Variants in AGT observed in about 807,000 individuals in gnomAD.
The protein encoded by AGT is angiotensinogen, also known as alpha-1 antiproteinase, antitrypsin.
Under a neutral mutation model 28.1 loss-of-function variants are expected in AGT, and 26 were observed. The ratio of observed to expected loss-of-function variants is 0.92; its 90% confidence interval spans 0.68 to 1.28. AGT has a LOEUF of 1.28. Ranked by LOEUF, AGT falls within the 50% of genes most tolerant of loss-of-function variation. AGT has a pLI of 0.00. For missense variants in AGT, 596 were observed against 592.3 expected (o/e 1.01, Z -0.06); for synonymous variants, 259 against 259.6 (o/e 1.00, Z 0.02).
chr1:230,713,057 G>C (rs1056068116), intron 1 of AGT, among the ~76,000 whole-genome samples: 3 of 152,120 alleles, frequency 2.0e-5, no homozygotes, highest in Non-Finnish European at 2.9e-5. Flanking sequence ...TTTCCCTGAT[G>C]CAGTATTTCA....
At chr1:230,712,038 G>A (rs1002048313) in intron 1 of AGT, among the ~76,000 whole-genome samples, 5 of 152,120 alleles carry the variant, frequency 3.3e-5, no homozygotes, top group Admixed American at 1.3e-4. Flanking sequence ...CTTGATTGAA[G>A]GGATGAACGT....
chr1:230,719,406 GT>G (rs57830002), upstream of AGT, among the ~76,000 whole-genome samples: 621 of 100,296 alleles, frequency 6.2e-3, 7 homozygotes, highest in Non-Finnish European at 6.7e-3. Flanking sequence ...TTATCATTAT[GT>G]TTTTTTTTTT....
upstream of AGT, among the ~76,000 whole-genome samples, chr1:230,715,651 T>A (rs1046692836): frequency 3.0e-4 from 46 of 152,248 alleles, no homozygotes; most frequent in African/African-American, 9.6e-4. Context: ...TGTTTGAGGA[T>A]CAGCAAGTGG....
At chr1:230,727,652 A>C (rs2478527) in intron 1 of AGT, among the ~76,000 whole-genome samples, 66,108 of 151,712 alleles carry the variant, frequency 0.44, 16,529 homozygotes, top group East Asian at 0.73. Context: ...AGTCAGAGTT[A>C]TGTCCCCTAA....
upstream of AGT, among the ~76,000 whole-genome samples, chr1:230,719,060 A>C (rs933264147): frequency 6.6e-6 from 1 of 152,070 alleles, no homozygotes; most frequent in African/African-American, 2.4e-5. Flanking sequence ...ATAGTATCCC[A>C]TTGTGTGTAT....
intron 1 of AGT, among the ~76,000 whole-genome samples, chr1:230,735,992 T>C (rs1252385822): frequency 6.6e-6 from 1 of 152,106 alleles, no homozygotes; most frequent in African/African-American, 2.4e-5. Flanking sequence ...TTAGGCGGGG[T>C]TTGGGAAAGA....
intron 2 of AGT, among the ~76,000 whole-genome samples, chr1:230,707,105 G>C (rs1217021467): frequency 6.6e-6 from 1 of 152,242 alleles, no homozygotes; most frequent in African/African-American, 2.4e-5. Flanking sequence ...GCAGGGGTGA[G>C]CCCTCTGTTT....
At chr1:230,732,278 C>T (rs914957492) in intron 1 of AGT, among the ~76,000 whole-genome samples, 1 of 151,916 alleles carries the variant, frequency 6.6e-6, no homozygotes, top group Non-Finnish European at 1.5e-5. Flanking sequence ...TGGAATGATA[C>T]GCATGAGCCA....
upstream of AGT, among the ~76,000 whole-genome samples, chr1:230,719,325 G>A (rs7549009): frequency 0.2 from 30,060 of 151,576 alleles, 4,129 homozygotes; most frequent in East Asian, 0.49. Context: ...GGAGGAAAAC[G>A]GTCATATAAG....
rs1178781977 is a variant in AGT, at chr1:230,710,409, G to C, written c.415C>G (p.Leu139Val). 1 of 1,614,220 alleles carries C rather than the reference G, an allele frequency of 6.2e-7. No individual in the cohort carries two copies. Among genetic ancestry groups the C allele is most frequent in the Non-Finnish European group, 8.5e-7 (1 of 1,180,038 alleles). Residue 139 changes from leucine (L) to valine (V), a missense_variant, in exon 2 of 5, where the codon CTG becomes GTG. Coordinates refer to ENST00000366667, the MANE Select transcript of AGT (RefSeq NM_001384479.1). ...AVFGTLASLY[L>V]GALDHTADRL... ...TCAGCTGTGTGGTCCAAGGCTCCCA[G>C]ATAGAGAGAGGCCAGGGTGCCAAAG... is the stretch of plus-strand genomic sequence containing the variant.
chr1:230,727,342 C>T (rs1663962305), intron 1 of AGT, among the ~76,000 whole-genome samples: 1 of 152,202 alleles, frequency 6.6e-6, no homozygotes, highest in African/African-American at 2.4e-5. Context: ...TACCAAACAT[C>T]CAGATTGTGA....
intron 3 of AGT, among the ~76,000 whole-genome samples, chr1:230,705,202 G>A (rs1215713479): frequency 6.6e-6 from 1 of 152,040 alleles, no homozygotes; most frequent in African/African-American, 2.4e-5. Flanking sequence ...GTGTGAATGG[G>A]CCTAGTACCA....
intron 1 of AGT, among the ~76,000 whole-genome samples, chr1:230,741,928 C>T (rs776961918): frequency 6.6e-6 from 1 of 152,156 alleles, no homozygotes; most frequent in Non-Finnish European, 1.5e-5. Context: ...TTGTGGTGTA[C>T]ACCTGTAGTC....
At chr1:230,733,795 C>T (rs1001357817) in intron 1 of AGT, among the ~76,000 whole-genome samples, 1 of 152,144 alleles carries the variant, frequency 6.6e-6, no homozygotes, top group African/African-American at 2.4e-5. Context: ...CATTTGAGCA[C>T]CGCTGTGAAG....
chr1:230,702,881 C>A lies in AGT; in HGVS notation c.*260G>T. On this transcript the variant is annotated 3_prime_UTR_variant, in exon 5 of 5. Coordinates refer to ENST00000366667, the MANE Select transcript of AGT (RefSeq NM_001384479.1). ...CTAAACACTGGTTCTTGCCTCCCCA[C>A]CCCCATTCTCTAAAATAAACCCAGC... The A allele has an allele frequency of 1.9e-6, 1 of 526,268 alleles. No individual in the cohort carries two copies. Among genetic ancestry groups the A allele is most frequent in the Non-Finnish European group, 3.4e-6 (1 of 293,212 alleles). 32.6% of individuals were successfully genotyped at this position (526,268 alleles called of 1,614,324 possible). A position where few individuals can be genotyped will look rare whatever the true frequency, so the allele number is the denominator to read the frequency against.
At chr1:230,719,264 G>C (rs991758974), upstream of AGT, among the ~76,000 whole-genome samples, 3 of 152,174 alleles carry the variant, frequency 2.0e-5, no homozygotes, top group Non-Finnish European at 2.9e-5. Flanking sequence ...CTGATACCTC[G>C]GGCAGTGCCC....
chr1:230,714,043 G>C (rs1228811455), intron 1 of AGT, 43 bp downstream of exon 1: 2 of 152,202 alleles, frequency 1.3e-5, no homozygotes, highest in Admixed American at 6.5e-5. Flanking sequence ...TTACATCTGA[G>C]AGAGACAAGA....
intron 1 of AGT, among the ~76,000 whole-genome samples, chr1:230,735,082 G>A (rs756245684): frequency 7.2e-5 from 11 of 152,250 alleles, no homozygotes; most frequent in East Asian, 1.9e-4. Context: ...GTCGCTCATC[G>A]CCTCCCCGTT....
chr1:230,742,466 C>G (rs1022984538), intron 1 of AGT, among the ~76,000 whole-genome samples: 2 of 152,152 alleles, frequency 1.3e-5, no homozygotes, highest in Non-Finnish European at 2.9e-5. Flanking sequence ...CAGGTGCCCA[C>G]CACTATGCCT....
Sources: gnomAD v4.1 joint callset for allele counts (sites outside exome capture counted in the v4.1 genomes callset) on GRCh38, gnomAD v4.1.1 for gene constraint, MANE v1.5 for transcripts, NCBI Gene and HGNC (gene_info 2026-07-23, HGNC 2026-07-21) for gene names.